The following G2E3 variants were observed in gnomAD, a reference collection of about 807,000 sequenced individuals.
G2E3 encodes G2/M-phase specific E3 ubiquitin protein ligase.
G2E3 carries 35 observed loss-of-function variants against 92.8 expected under a neutral mutation model. The ratio of observed to expected loss-of-function variants is 0.38; its 90% confidence interval spans 0.29 to 0.50. The LOEUF (loss-of-function observed/expected upper bound fraction) is 0.50, where lower values mean the gene tolerates loss of function less well. G2E3 is among the 20% of genes least tolerant of loss of function. The pLI is 0.94. For missense variants in G2E3, 554 were observed against 823.8 expected (o/e 0.67, Z 4.01); for synonymous variants, 242 against 272.4 (o/e 0.89, Z 1.10).
rs1052306967 is a variant in G2E3, at chr14:30,619,455, TATC to T, written c.*2924_*2926del. 6.6e-6 allele frequency: 1 copy of T among 152,162 alleles called. No individual in the cohort carries two copies. Among genetic ancestry groups the T allele is most frequent in the Non-Finnish European group, 1.5e-5 (1 of 67,982 alleles). The allele number at this position is 152,162 out of a possible 1,614,324, so 9.4% of individuals were successfully genotyped here. ...ACATGTAATTCTTTTATATAGTGATTATCATGTACTGCATTGTTACTTTAAAAT... is the reference window on the plus strand; with the variant it reads ...ACATGTAATTCTTTTATATAGTGATTATGTACTGCATTGTTACTTTAAAAT... On this transcript the variant is annotated 3_prime_UTR_variant, in exon 15 of 15. Transcript: ENST00000206595.
At chr14:30,615,657 C>T (rs1361571199) in intron 14 of G2E3, 118 bp downstream of exon 14, 4 of 508,434 alleles carry the variant, frequency 7.9e-6, no homozygotes, top group Admixed American at 3.5e-5. Flanking sequence ...ATGCTAACTC[C>T]GTATTTACAA....
intron 1 of G2E3, among the ~76,000 whole-genome samples, chr14:30,579,834 T>A (rs1301939683): frequency 1.3e-5 from 2 of 152,180 alleles, no homozygotes; most frequent in Non-Finnish European, 2.9e-5. Context: ...CATTATTATG[T>A]TTTATTCTTT....
chr14:30,605,258 A>G (rs553462965), intron 10 of G2E3, among the ~76,000 whole-genome samples: 15 of 152,324 alleles, frequency 9.8e-5, no homozygotes, highest in Middle Eastern at 3.4e-3. Context: ...TTATCTATCA[A>G]CTTTCTTGTA....
chr14:30,563,644 G>A (rs1285406159), intron 1 of G2E3, among the ~76,000 whole-genome samples: 1 of 151,566 alleles, frequency 6.6e-6, no homozygotes, highest in African/African-American at 2.4e-5. Context: ...CTGTTTCCTG[G>A]GGACTAGTTA....
At chr14:30,602,561 G>A (rs868319496) in intron 10 of G2E3, among the ~76,000 whole-genome samples, 11 of 152,118 alleles carry the variant, frequency 7.2e-5, no homozygotes, top group Middle Eastern at 3.4e-3. Context: ...CAAGCATACC[G>A]TGTCACCTTA....
At chr14:30,577,086 G>A (rs1008600074) in intron 1 of G2E3, among the ~76,000 whole-genome samples, 15 of 152,026 alleles carry the variant, frequency 9.9e-5, no homozygotes, top group African/African-American at 1.4e-4. Context: ...TTAGCTAGGC[G>A]TGGTGGCGTA....
chr14:30,617,381 G>C lies in G2E3; in HGVS notation c.*847G>C, dbSNP rs1239821446. On this transcript the variant is annotated 3_prime_UTR_variant, in exon 15 of 15. Transcript: ENST00000206595. Reference sequence around the variant, plus strand: ...AAAGTGTGTCTTCTTTAAAGCCTTGGCTTTAATCATGGGAAATTGTTGTTG... The same window carrying C: ...AAAGTGTGTCTTCTTTAAAGCCTTGCCTTTAATCATGGGAAATTGTTGTTG... 1 of 151,934 alleles carries C rather than the reference G, an allele frequency of 6.6e-6. No individual in the cohort carries two copies. Among genetic ancestry groups the C allele is most frequent in the African/African-American group, 2.4e-5 (1 of 41,340 alleles). 9.4% of individuals were successfully genotyped at this position (151,934 alleles called of 1,614,324 possible). A position where few individuals can be genotyped will look rare whatever the true frequency, so the allele number is the denominator to read the frequency against.
At chr14:30,608,378 G>A (rs906850322) in intron 12 of G2E3, among the ~76,000 whole-genome samples, 2 of 152,296 alleles carry the variant, frequency 1.3e-5, no homozygotes, top group East Asian at 1.9e-4. Context: ...TAGAGACAAC[G>A]TGAGGCAGAT....
chr14:30,600,167 A>C (rs1037507980), intron 8 of G2E3, among the ~76,000 whole-genome samples: 4 of 152,188 alleles, frequency 2.6e-5, no homozygotes, highest in African/African-American at 9.7e-5. Context: ...ATAGAGCAGA[A>C]TACTGGGAGC....
In G2E3 at chr14:30,616,582, A is replaced by T. The variant is rs189068; in HGVS notation, c.*48A>T. 7.2e-7 allele frequency: 1 copy of T among 1,394,008 alleles called. No homozygotes were observed. The highest frequency in any genetic ancestry group is 1.5e-5 in the African/African-American group (1 of 68,714). The allele number at this position is 1,394,008 out of a possible 1,614,324, so 86.4% of individuals were successfully genotyped here. A position where few individuals can be genotyped will look rare whatever the true frequency, so the allele number is the denominator to read the frequency against. On this transcript the variant is annotated 3_prime_UTR_variant, in exon 15 of 15. Coordinates refer to ENST00000206595, the MANE Select transcript of G2E3 (RefSeq NM_017769.5). ...AGCTTCTTTAAAAGCTGCTATTGATAACTCTCTTTTATTTCACTAACCTTT... is the reference window on the plus strand; with the variant it reads ...AGCTTCTTTAAAAGCTGCTATTGATTACTCTCTTTTATTTCACTAACCTTT...
intron 1 of G2E3, among the ~76,000 whole-genome samples, chr14:30,576,499 C>T (rs1015485989): frequency 1.3e-5 from 2 of 152,118 alleles, no homozygotes; most frequent in African/African-American, 4.8e-5. Context: ...CCAATCGCAA[C>T]AAAAGCAAAA....
rs1385485551 is a variant in G2E3, at chr14:30,593,352, C to G, written c.363-122C>G. The G allele has an allele frequency of 3.2e-5, 18 of 555,906 alleles. No individual in the cohort carries two copies. The East Asian group carries it at 5.6e-4, about 17-fold the overall frequency. 34.4% of individuals were successfully genotyped at this position (555,906 alleles called of 1,614,324 possible). On this transcript the variant is annotated intron_variant, in intron 5 of 14. Coordinates refer to ENST00000206595, the MANE Select transcript of G2E3 (RefSeq NM_017769.5). ...TAATTTTTAGTGCCAAGGCTCCAGT[C>G]TGTTGTAGGTGAATTATGAGACAGA...
intron 1 of G2E3, among the ~76,000 whole-genome samples, chr14:30,569,298 C>T (rs1453310703): frequency 6.6e-6 from 1 of 152,170 alleles, no homozygotes; most frequent in African/African-American, 2.4e-5. Context: ...ACCCTTCCTT[C>T]TCTCCATCGA....
At chr14:30,595,767 A>G (rs531800210) in intron 6 of G2E3, among the ~76,000 whole-genome samples, 1 of 152,344 alleles carries the variant, frequency 6.6e-6, no homozygotes, top group East Asian at 1.9e-4. Context: ...CAATCTAGAT[A>G]GCTGTATGTG....
chr14:30,581,499 G>T (rs896451045), intron 2 of G2E3, among the ~76,000 whole-genome samples: 1 of 152,188 alleles, frequency 6.6e-6, no homozygotes. Context: ...TTGAGGTCAA[G>T]AGTTCAAGAC....
At chr14:30,562,344 A>T (rs1179412618) in intron 1 of G2E3, among the ~76,000 whole-genome samples, 1 of 152,130 alleles carries the variant, frequency 6.6e-6, no homozygotes, top group Non-Finnish European at 1.5e-5. Context: ...CAATATTATA[A>T]TAATCCTCGC....
At chr14:30,594,904 G>A (rs570207144) in intron 6 of G2E3, among the ~76,000 whole-genome samples, 4 of 151,228 alleles carry the variant, frequency 2.6e-5, no homozygotes, top group East Asian at 1.9e-4. Context: ...CGAGGAGGGC[G>A]GATCACCTGA....
intron 1 of G2E3, among the ~76,000 whole-genome samples, chr14:30,562,661 ACAC>A (rs1308403426): frequency 3.3e-5 from 5 of 152,024 alleles, no homozygotes. Flanking sequence ...GGAGGGCCTG[ACAC>A]CAGTCAGGCC....
chr14:30,611,586 G>T (rs1882087992), intron 12 of G2E3: 1 of 151,896 alleles, frequency 6.6e-6, no homozygotes, highest in Non-Finnish European at 1.5e-5. Context: ...TTAATTCTCA[G>T]CTGTTACTCT....
Sources: gnomAD v4.1 joint callset for allele counts (sites outside exome capture counted in the v4.1 genomes callset) on GRCh38, gnomAD v4.1.1 for gene constraint, MANE v1.5 for transcripts, NCBI Gene and HGNC (gene_info 2026-07-23, HGNC 2026-07-21) for gene names.